NTNG1: variants seen among roughly 807,000 people sequenced by gnomAD.
NTNG1 encodes the protein netrin G1, also known as netrin-G1.
Under a neutral mutation model 54.0 loss-of-function variants are expected in NTNG1, and 16 were observed. The ratio of observed to expected loss-of-function variants is 0.30; its 90% CI spans 0.20 to 0.45. The LOEUF is 0.45. Among genes scored for constraint, NTNG1 ranks in the 20% least tolerant of loss-of-function variants. The pLI, the probability that NTNG1 is intolerant of heterozygous loss-of-function variation, is 1.00. For synonymous variants in NTNG1, 255 were observed against 263.1 expected (o/e 0.97, Z 0.30); for missense variants, 530 against 678.7 (o/e 0.78, Z 2.43).
intron 2 of NTNG1, among the ~76,000 whole-genome samples, chr1:107,180,699 G>A (rs75640671): frequency 0.019 from 2,959 of 152,098 alleles, 79 homozygotes; most frequent in African/African-American, 0.067. Flanking sequence ...CCTTAACTCA[G>A]AGGCTTATAA....
chr1:107,205,848 G>T (rs950351538), intron 2 of NTNG1, among the ~76,000 whole-genome samples: 1 of 152,052 alleles, frequency 6.6e-6, no homozygotes, highest in Non-Finnish European at 1.5e-5. Flanking sequence ...CTACTATTTT[G>T]ACTTCTTATA....
intron 2 of NTNG1, among the ~76,000 whole-genome samples, chr1:107,190,156 G>A (rs1343562140): frequency 6.6e-6 from 1 of 152,116 alleles, no homozygotes; most frequent in Non-Finnish European, 1.5e-5. Flanking sequence ...CAGGGACTGA[G>A]AGGAGGGAGG....
intron 5 of NTNG1, among the ~76,000 whole-genome samples, chr1:107,424,487 C>T (rs190157522): frequency 2.3e-3 from 353 of 152,262 alleles, no homozygotes; most frequent in Non-Finnish European, 3.8e-3. Flanking sequence ...GAAAGAGTCA[C>T]TCTGTCTGCT....
At chr1:107,153,712 C>G (rs1367583556) in intron 2 of NTNG1, among the ~76,000 whole-genome samples, 1 of 152,180 alleles carries the variant, frequency 6.6e-6, no homozygotes, top group African/African-American at 2.4e-5. Context: ...CTAAATTACT[C>G]TACCTGTTTT....
chr1:107,238,571 A>G (rs532681397), intron 2 of NTNG1, among the ~76,000 whole-genome samples: 8 of 152,116 alleles, frequency 5.3e-5, no homozygotes, highest in Non-Finnish European at 1.0e-4. Flanking sequence ...TGTGGGAGAG[A>G]CACAGTGGGA....
intron 2 of NTNG1, among the ~76,000 whole-genome samples, chr1:107,207,121 G>T (rs1659255295): frequency 6.6e-6 from 1 of 152,074 alleles, no homozygotes; most frequent in Admixed American, 6.6e-5. Flanking sequence ...TAATTTCTCA[G>T]CTATCCTAGA....
At chr1:107,385,853 T>C (rs1249568673) in intron 3 of NTNG1, among the ~76,000 whole-genome samples, 1 of 151,144 alleles carries the variant, frequency 6.6e-6, no homozygotes, top group Non-Finnish European at 1.5e-5. Context: ...TTTTTTAATG[T>C]ACAATTCAGT....
At chr1:107,259,687 G>A (rs1460032418) in intron 2 of NTNG1, among the ~76,000 whole-genome samples, 1 of 151,810 alleles carries the variant, frequency 6.6e-6, no homozygotes, top group Non-Finnish European at 1.5e-5. Context: ...TTCCTCCCCC[G>A]CAAGATAAAA....
chr1:107,384,281 G>C (rs1217211445), intron 3 of NTNG1, among the ~76,000 whole-genome samples: 1 of 152,174 alleles, frequency 6.6e-6, no homozygotes, highest in African/African-American at 2.4e-5. Flanking sequence ...GTAATCTGAT[G>C]CTTCACTATA....
intron 3 of NTNG1, among the ~76,000 whole-genome samples, chr1:107,325,972 A>G (rs781467177): frequency 4.9e-4 from 74 of 152,152 alleles, no homozygotes; most frequent in Non-Finnish European, 9.6e-4. Flanking sequence ...TTGGCTGCCA[A>G]CATCCTTTAG....
At chr1:107,153,435 T>A (rs531255774) in intron 2 of NTNG1, among the ~76,000 whole-genome samples, 102 of 152,304 alleles carry the variant, frequency 6.7e-4, no homozygotes, top group African/African-American at 2.4e-3. Context: ...ATTCAGTAAA[T>A]GAATGAAGTT....
chr1:107,318,300 C>T (rs1667451149), intron 2 of NTNG1, among the ~76,000 whole-genome samples: 1 of 152,042 alleles, frequency 6.6e-6, no homozygotes, highest in Non-Finnish European at 1.5e-5. Flanking sequence ...GTAGCCATCT[C>T]GGTTATCAGG....
intron 7 of NTNG1, among the ~76,000 whole-genome samples, chr1:107,468,898 C>A (rs774000834): frequency 3.3e-5 from 5 of 152,096 alleles, no homozygotes; most frequent in Non-Finnish European, 7.4e-5. Flanking sequence ...GAGTTTGAGA[C>A]CAGCCTGACC....
chr1:107,394,429 A>ATT (rs34376065), intron 3 of NTNG1, among the ~76,000 whole-genome samples: 3 of 151,420 alleles, frequency 2.0e-5, no homozygotes, highest in Admixed American at 6.6e-5. Context: ...CACATGAAGG[A>ATT]TTTTTTTTTC....
At chr1:107,164,095 C>G (rs1222371348) in intron 2 of NTNG1, among the ~76,000 whole-genome samples, 2 of 152,162 alleles carry the variant, frequency 1.3e-5, no homozygotes, top group Non-Finnish European at 2.9e-5. Context: ...ACAGTGTGTT[C>G]AATTAGAGAC....
chr1:107,426,302 A>G (rs34632829), intron 5 of NTNG1, among the ~76,000 whole-genome samples: 22,055 of 152,024 alleles, frequency 0.15, 1,660 homozygotes, highest in Middle Eastern at 0.24. Context: ...CTATGGTTTC[A>G]GGTCTTATAT....
intron 2 of NTNG1, among the ~76,000 whole-genome samples, chr1:107,263,782 G>GA (rs1198087714): frequency 3.3e-5 from 5 of 151,954 alleles, no homozygotes; most frequent in East Asian, 3.9e-4. Flanking sequence ...TTAATTTTAT[G>GA]AAAAAAATCC....
chr1:107,264,456 A>G (rs1025772466), intron 2 of NTNG1, among the ~76,000 whole-genome samples: 5 of 152,200 alleles, frequency 3.3e-5, no homozygotes, highest in Admixed American at 2.0e-4. Context: ...ATCCTTCACA[A>G]TCTTATGACA....
chr1:107,162,082 T>C (rs1478538389), intron 2 of NTNG1, among the ~76,000 whole-genome samples: 2 of 151,140 alleles, frequency 1.3e-5, no homozygotes, highest in Admixed American at 1.3e-4. Context: ...AATACATAAC[T>C]CATTAATGGA....
Sources: allele counts gnomAD v4.1 joint callset (sites outside exome capture counted in the v4.1 genomes callset), GRCh38; gene constraint gnomAD v4.1.1; transcripts MANE v1.5; gene names NCBI Gene and HGNC (gene_info 2026-07-23, HGNC 2026-07-21).